The following GRHPR variants were observed in gnomAD, a reference collection of about 807,000 sequenced individuals.
GRHPR encodes the protein glyoxylate and hydroxypyruvate reductase, also known as glyoxylate reductase/hydroxypyruvate reductase.
Under a neutral mutation model 36.8 loss-of-function variants are expected in GRHPR, and 35 were observed. The ratio of observed to expected loss-of-function variants is 0.95; its 90% CI spans 0.73 to 1.26. GRHPR has a LOEUF of 1.26. Among genes scored for constraint, GRHPR ranks in the 50% most tolerant of loss-of-function variants. The pLI is 0.00. For missense variants in GRHPR, 380 were observed against 435.0 expected, an observed-to-expected ratio of 0.87 and a Z score of 1.12; for synonymous variants, 179 against 181.0, an observed-to-expected ratio of 0.99 and a Z score of 0.09.
chr9:37,439,074 G>GCTATATAAAACATA (rs1221465476), downstream of GRHPR: 56 of 152,350 alleles, frequency 3.7e-4, no homozygotes, highest in Admixed American at 2.1e-3. Flanking sequence ...GTCTAAGAAA[G>GCTATATAAAACATA]CTATATAAAA....
intron 8 of GRHPR, chr9:37,434,467 T>G: frequency 1.7e-6 from 1 of 581,770 alleles, no homozygotes; most frequent in South Asian, 2.3e-5. Context: ...CATGCAGAAA[T>G]ACCCAGATCT....
intron 6 of GRHPR, 194 bp from the exon 7 acceptor site, chr9:37,430,317 G>C: frequency 1.5e-6 from 1 of 660,180 alleles, no homozygotes; most frequent in South Asian, 1.6e-5. Flanking sequence ...GGTAGTTAAA[G>C]CCAGAGTGGT....
chr9:37,430,624 G>A lies in GRHPR; in HGVS notation c.712G>A (p.Ala238Thr), dbSNP rs1323397105. 5.0e-6 allele frequency: 8 copies of A among 1,613,906 alleles called. No homozygotes were observed. Among genetic ancestry groups the A allele is most frequent in the Non-Finnish European group, 6.8e-6 (8 of 1,179,878 alleles). Residue 238 changes from alanine (A) to threonine (T), a missense_variant, in exon 7 of 9, where the codon GCT becomes ACT. Physicochemically the swap from Ala to Thr is moderately conservative, Grantham distance 58. Transcript: ENST00000318158. ...CTTCTTCCAGAAGATGAAGGAAACA[G>A]CTGTGTTCATCAACATCAGCAGGTA... Reference protein sequence around the residue: ...KDFFQKMKETAVFINISRGDV... With the variant: ...KDFFQKMKETTVFINISRGDV...
intron 4 of GRHPR, among the ~76,000 whole-genome samples, chr9:37,426,859 G>A (rs1381833444): frequency 2.0e-5 from 3 of 151,928 alleles, no homozygotes; most frequent in Non-Finnish European, 4.4e-5. Context: ...GCTGAGGCAG[G>A]AGAATCATGT....
rs1287015514 is a variant in GRHPR at position 37,422,710 on chromosome 9, G to C, written c.-41G>C. The C allele has an allele frequency of 6.8e-7, 1 of 1,472,080 alleles. No homozygotes were observed. The highest frequency in any genetic ancestry group is 1.4e-5 in the African/African-American group (1 of 71,606). The allele number at this position is 1,472,080 out of a possible 1,614,324, so 91.2% of individuals were successfully genotyped here. ...CCGGCCCAGCTACATTCCCGGGCCA[G>C]CTTCTGTACTGCCAGGTCCGGGTCG... On this transcript the variant is annotated 5_prime_UTR_variant, in exon 1 of 9. Coordinates refer to ENST00000318158, the MANE Select transcript of GRHPR (RefSeq NM_012203.2).
chr9:37,434,428 T>C (rs1823536182), intron 8 of GRHPR: 7 of 583,390 alleles, frequency 1.2e-5, no homozygotes, highest in Middle Eastern at 2.7e-4. Context: ...GGTCAGACTG[T>C]GTAGACCAAT....
Position 37,428,557 on chromosome 9 carries a change from G to A in GRHPR, c.478G>A (p.Gly160Arg), listed in dbSNP as rs180177312. ...CACGCAGAGCACTGTCGGCATCATC[G>A]GGCTGGGGCGCATAGGTGAGGCTCC... ...GLTQSTVGII[G>R]LGRIGQAIAR... Residue 160 changes from glycine to arginine, a missense_variant, in exon 5 of 9, where the codon GGG (glycine) becomes AGG (arginine). Gly to Arg is a moderately radical substitution (Grantham distance 125). Transcript: ENST00000318158. 6.2e-6 allele frequency: 10 copies of A among 1,608,756 alleles called. No individual in the cohort carries two copies. Among genetic ancestry groups the A allele is most frequent in the Admixed American group, 3.3e-5 (2 of 59,996 alleles).
At chr9:37,422,891 C>T (rs1822902433) in intron 1 of GRHPR, 58 bp downstream of exon 1, 5 of 1,292,072 alleles carry the variant, frequency 3.9e-6, no homozygotes, top group Non-Finnish European at 5.4e-6. Context: ...ACCGGAGAGC[C>T]GGGCGGGGCG....
At chr9:37,426,763 C>T (rs951093244) in intron 4 of GRHPR, 109 bp downstream of exon 4, 2 of 709,690 alleles carry the variant, frequency 2.8e-6, no homozygotes, top group Non-Finnish European at 5.2e-6. Context: ...GTCTGGCCAA[C>T]ATAGTGAAAC....
At chr9:37,424,066 G>C (rs1285539337) in intron 1 of GRHPR, among the ~76,000 whole-genome samples, 1 of 152,198 alleles carries the variant, frequency 6.6e-6, no homozygotes, top group South Asian at 2.1e-4. Context: ...TCAGCAGCCA[G>C]TTCTAGGGGC....
chr9:37,428,271 C>T (rs1040127385), intron 4 of GRHPR: 5 of 604,218 alleles, frequency 8.3e-6, no homozygotes, highest in Non-Finnish European at 1.5e-5. Context: ...GGCCCCTTCC[C>T]GCCCTCAAGT....
At chr9:37,422,868 GGC>G in intron 1 of GRHPR, 35 bp downstream of exon 1, 1 of 1,480,386 alleles carries the variant, frequency 6.8e-7, no homozygotes, top group Non-Finnish European at 9.2e-7. Context: ...GAGGGAGCAG[GGC>G]GGTCCCAGGG....
downstream of GRHPR, among the ~76,000 whole-genome samples, chr9:37,437,555 A>G (rs1823730213): frequency 6.6e-6 from 1 of 152,234 alleles, no homozygotes; most frequent in Non-Finnish European, 1.5e-5. Context: ...GAACTAGGTA[A>G]GGACGTAACT....
intron 2 of GRHPR, among the ~76,000 whole-genome samples, chr9:37,425,191 A>C (rs1249387200): frequency 6.6e-6 from 1 of 152,080 alleles, no homozygotes; most frequent in Non-Finnish European, 1.5e-5. Context: ...GAGGGCAAAG[A>C]CCGCGGTGTG....
chr9:37,426,976 C>T (rs773198099), intron 4 of GRHPR, among the ~76,000 whole-genome samples: 15 of 151,622 alleles, frequency 9.9e-5, no homozygotes, highest in South Asian at 4.2e-4. Context: ...AATAAGTGAA[C>T]GCCTGGCAGG....
chr9:37,433,113 T>C (rs1371738013), intron 8 of GRHPR, among the ~76,000 whole-genome samples: 3 of 152,134 alleles, frequency 2.0e-5, no homozygotes, highest in African/African-American at 7.2e-5. Flanking sequence ...TGAGCCCTGC[T>C]CAGAGACAAG....
chr9:37,431,810 A>G (rs1823380104), intron 7 of GRHPR, 198 bp from the exon 8 acceptor site: 1 of 558,336 alleles, frequency 1.8e-6, no homozygotes, highest in East Asian at 3.2e-5. Flanking sequence ...GCCCAAGGTC[A>G]CACAGCTAGA....
chr9:37,429,061 C>T (rs969485707), intron 5 of GRHPR: 14 of 316,278 alleles, frequency 4.4e-5, no homozygotes, highest in African/African-American at 2.4e-4. Flanking sequence ...GGCAGAAGGG[C>T]GTGAGCCTAG....
At chr9:37,434,509 GA>G in intron 8 of GRHPR, 10 of 464,734 alleles carry the variant, frequency 2.2e-5, no homozygotes, top group South Asian at 3.1e-5. Context: ...AGAGGTAGAG[GA>G]AAAGCCCGCA....
Sources: gnomAD v4.1 joint callset for allele counts (sites outside exome capture counted in the v4.1 genomes callset) on GRCh38, gnomAD v4.1.1 for gene constraint, MANE v1.5 for transcripts, NCBI Gene and HGNC (gene_info 2026-07-23, HGNC 2026-07-21) for gene names.